Variants in FANCE observed in about 807,000 individuals in gnomAD.
FANCE encodes Fanconi anemia group E protein.
Under a neutral mutation model 57.8 loss-of-function variants are expected in FANCE, and 42 were observed. The observed-to-expected ratio is 0.73, with a 90% confidence interval of 0.57 to 0.94. FANCE has a LOEUF of 0.94. Among genes scored for constraint, FANCE ranks in the 40% least tolerant of loss-of-function variants. FANCE has a pLI of 0.00. For missense variants in FANCE, 608 were observed against 661.8 expected (o/e 0.92, Z 0.89); for synonymous variants, 251 against 286.4 (o/e 0.88, Z 1.25).
intron 1 of FANCE, 139 bp from the exon 2 acceptor site, chr6:35,455,608 G>C (rs1581699039): frequency 9.7e-7 from 1 of 1,034,110 alleles, no homozygotes; most frequent in Non-Finnish European, 1.5e-6. Context: ...ACCACACCTG[G>C]CCAACATCCA....
intron 9 of FANCE, 145 bp from the exon 10 acceptor site, chr6:35,466,099 T>G (rs1447237202): frequency 4.5e-6 from 3 of 665,874 alleles, no homozygotes; most frequent in Non-Finnish European, 8.2e-6. Flanking sequence ...TTAACCATGG[T>G]GAAATAATGA....
Position 35,456,465 on chromosome 6 carries a change from G to A in FANCE, c.855+112G>A, listed in dbSNP as rs924988218. 8.3e-6 allele frequency: 11 copies of A among 1,332,972 alleles called. No individual in the cohort carries two copies. The highest frequency in any genetic ancestry group is 1.1e-5 in the Non-Finnish European group (10 of 928,698). 82.6% of individuals were successfully genotyped at this position (1,332,972 alleles called of 1,614,324 possible). On this transcript the variant is annotated intron_variant, in intron 2 of 9. Coordinates refer to ENST00000229769, the MANE Select transcript of FANCE (RefSeq NM_021922.3). The surrounding 1 kb of genome is among the most constrained non-coding windows in gnomAD (Gnocchi z 4.3). ...CCAATGGAGTTGACTGTAGTTCCTG[G>A]AGGAAGAAGGAGGAAGGTAGGGTTG...
chr6:35,459,610 T>TA, intron 6 of FANCE, 72 bp from the exon 7 acceptor site: 1 of 1,580,742 alleles, frequency 6.3e-7, no homozygotes, highest in Non-Finnish European at 8.7e-7. Flanking sequence ...GGCATTCTGT[T>TA]ACCGCCTCCC....
At chr6:35,460,685 C>T in intron 8 of FANCE, 67 bp downstream of exon 8, 3 of 1,483,924 alleles carry the variant, frequency 2.0e-6, no homozygotes, top group Non-Finnish European at 2.8e-6. Flanking sequence ...ACACGGGGTT[C>T]CTGGGTTTCT....
intron 1 of FANCE, among the ~76,000 whole-genome samples, chr6:35,455,411 G>A (rs1389230521): frequency 6.6e-6 from 1 of 151,852 alleles, no homozygotes; most frequent in Non-Finnish European, 1.5e-5. Context: ...GGGTTCAAGC[G>A]ATTCTCCTGC....
intron 1 of FANCE, 109 bp from the exon 2 acceptor site, chr6:35,455,638 C>CG: frequency 7.6e-7 from 1 of 1,317,594 alleles, no homozygotes; most frequent in Non-Finnish European, 1.1e-6. Flanking sequence ...GCAGATACTG[C>CG]GTGCCAGCCC....
chr6:35,455,899 G>A lies in FANCE; in HGVS notation c.401G>A (p.Arg134His), dbSNP rs774939689. The change falls in exon 2 of 10, where the codon CGT becomes CAT. Residue 134 changes from arginine to histidine, a missense_variant. Transcript: ENST00000229769. ...DLAPDPDAWL[R>H]ALGELLRRDL... The stretch of plus-strand genomic sequence containing the variant: ...GCCCCTGACCCAGATGCCTGGCTCC[G>A]TGCCCTGGGGGAATTGCTGCGAAGG... 9 of 1,614,130 alleles carry A rather than the reference G, an allele frequency of 5.6e-6. No homozygotes were observed. Among genetic ancestry groups the A allele is most frequent in the East Asian group, 2.2e-5 (1 of 44,870 alleles).
chr6:35,460,851 G>A (rs1258649367), intron 8 of FANCE, among the ~76,000 whole-genome samples: 1 of 152,148 alleles, frequency 6.6e-6, no homozygotes, highest in East Asian at 1.9e-4. Context: ...GGCCTTGGGG[G>A]TGGGATTTTT....
chr6:35,462,128 G>T, intron 8 of FANCE, among the ~76,000 whole-genome samples: 1 of 139,286 alleles, frequency 7.2e-6, no homozygotes, highest in African/African-American at 3.1e-5. Context: ...TTTTTTTTGA[G>T]ACGGAGTCTC....
Position 35,462,869 on chromosome 6 carries a change from C to T in FANCE, c.1464C>T (p.Ala488=), listed in dbSNP as rs779775366. ...GGCTGGCAGCCACCACCTCCATGGC[C>T]TATGCCAAGCTCATGCTGACAGTGA... ...KKGLAATTSM[A]YAKLMLTVMT... The change falls in exon 9 of 10, where the codon GCC becomes GCT. Residue 488 remains alanine (A), a synonymous_variant. Coordinates refer to ENST00000229769, the MANE Select transcript of FANCE (RefSeq NM_021922.3). 1.2e-5 allele frequency: 19 copies of T among 1,614,124 alleles called. No individual in the cohort carries two copies. In the African/African-American group the frequency reaches 2.5e-4, roughly 22 times the overall value.
Position 35,455,968 on chromosome 6 carries a change from C to A in FANCE, c.470C>A (p.Ser157Tyr), listed in dbSNP as rs2150890612. Reference protein sequence around the residue: ...GTSMEGASPLSERCQRQLQSL... With the variant: ...GTSMEGASPLYERCQRQLQSL... ...TCCATGGAGGGAGCTTCTCCACTGT[C>A]TGAAAGATGCCAGAGACAGCTCCAA... The change falls in exon 2 of 10, where the codon TCT becomes TAT. Residue 157 changes from serine (S) to tyrosine (Y), a missense_variant. Coordinates refer to ENST00000229769, the MANE Select transcript of FANCE (RefSeq NM_021922.3). The A allele has an allele frequency of 2.5e-6, 4 of 1,613,692 alleles. No homozygotes were observed. Among genetic ancestry groups the A allele is most frequent in the Non-Finnish European group, 3.4e-6 (4 of 1,179,822 alleles).
rs757745455 is a variant in FANCE at position 35,462,845 on chromosome 6, G to T, written c.1440G>T (p.Gly480=). ...TAATGGAGAAGCTCTGTAAAAAGGG[G>T]CTGGCAGCCACCACCTCCATGGCCT... ...SVLMEKLCKK[G]LAATTSMAYA... is the part of the protein sequence containing the mutation. The change falls in exon 9 of 10, where the codon GGG becomes GGT. Residue 480 remains glycine (G), a synonymous_variant. Transcript: ENST00000229769. The T allele has an allele frequency of 6.2e-7, 1 of 1,614,208 alleles. No individual in the cohort carries two copies. Among genetic ancestry groups the T allele is most frequent in the African/African-American group, 1.3e-5 (1 of 75,052 alleles).
rs760319156 is a variant in FANCE, at chr6:35,455,729, T to C, written c.249-18T>C. On this transcript the variant is annotated intron_variant, in intron 1 of 9. Transcript: ENST00000229769. ...TTCAGCCAAACACTTAACTGCTTGC[T>C]CTCCCTCTGCTACCCAGGAAACCAC... 3 of 1,613,208 alleles carry C rather than the reference T, an allele frequency of 1.9e-6. No homozygotes were observed. The East Asian group carries it at 6.7e-5, about 36-fold the overall frequency.
Position 35,456,352 on chromosome 6 carries a change from A to G in FANCE, c.854A>G (p.Gln285Arg). The change falls in exon 2 of 10, where the codon CAG becomes CGG. Residue 285 changes from glutamine (Q) to arginine (R), a missense_variant and splice_region_variant. Gln to Arg is a conservative substitution (Grantham distance 43, BLOSUM62 1). Coordinates refer to ENST00000229769, the MANE Select transcript of FANCE (RefSeq NM_021922.3). The surrounding 1 kb of genome is among the most constrained non-coding windows in gnomAD (Gnocchi z 4.3). ...AGTTTGGAGTTGCCCAAAGCTATCC[A>G]GGTACTTTGGTAGGGAGACTGGGTT... Reference protein sequence around the residue: ...AESLELPKAIQDQLPRLQQLL... With the variant: ...AESLELPKAIRDQLPRLQQLL... The G allele has an allele frequency of 6.2e-7, 1 of 1,614,172 alleles. No individual in the cohort carries two copies. Among genetic ancestry groups the G allele is most frequent in the South Asian group, 1.1e-5 (1 of 91,080 alleles).
rs766775623 is a variant in FANCE, at chr6:35,456,372, T to A, written c.855+19T>A. On this transcript the variant is annotated intron_variant, in intron 2 of 9. Transcript: ENST00000229769. This position sits in a 1 kb window ranked among gnomAD's most constrained non-coding sequence, Gnocchi z 4.3. Reference sequence around the variant, plus strand: ...TATCCAGGTACTTTGGTAGGGAGACTGGGTTTAGAGTGATCTTTCAGCAGT... The same window carrying A: ...TATCCAGGTACTTTGGTAGGGAGACAGGGTTTAGAGTGATCTTTCAGCAGT... 1 of 1,614,140 alleles carries A rather than the reference T, an allele frequency of 6.2e-7. No homozygotes were observed. Among genetic ancestry groups the A allele is most frequent in the Admixed American group, 1.7e-5 (1 of 60,020 alleles).
chr6:35,459,698 G>A lies in FANCE; in HGVS notation c.1254G>A (p.Glu418=), dbSNP rs1485530026. 2 of 1,614,182 alleles carry A rather than the reference G, an allele frequency of 1.2e-6. No individual in the cohort carries two copies. The highest frequency in any genetic ancestry group is 8.5e-7 in the Non-Finnish European group (1 of 1,180,042). Residue 418 remains glutamate (E), a synonymous_variant, in exon 7 of 10, where the codon GAG becomes GAA. Coordinates refer to ENST00000229769, the MANE Select transcript of FANCE (RefSeq NM_021922.3). ...QAPGTGPAQT[E]LLCCLVKMES... ...TCTACCCAGGTCCTGCTCAAACAGA[G>A]TTACTGTGTTGCCTTGTGAAGATGG...
chr6:35,457,469 G>C lies in FANCE; in HGVS notation c.856-87G>C, dbSNP rs1581701561. ...TGCCAGCTAGCTCCCACTGACCTGG[G>C]GCCTTTTCAGTAGGGGGAGCCAGAA... On this transcript the variant is annotated intron_variant, in intron 2 of 9. Coordinates refer to ENST00000229769, the MANE Select transcript of FANCE (RefSeq NM_021922.3). 4 of 1,448,836 alleles carry C rather than the reference G, an allele frequency of 2.8e-6. No homozygotes were observed. The East Asian group carries it at 9.1e-5, about 33-fold the overall frequency. The allele number at this position is 1,448,836 out of a possible 1,614,324, so 89.7% of individuals were successfully genotyped here.
At position 35,458,309 on chromosome 6, in the gene FANCE, T is replaced by C. The variant is rs773632229; in HGVS notation, c.982T>C (p.Cys328Arg). 6.2e-7 allele frequency: 1 copy of C among 1,614,012 alleles called. No homozygotes were observed. Among genetic ancestry groups the C allele is most frequent in the Non-Finnish European group, 8.5e-7 (1 of 1,180,022 alleles). Residue 328 changes from cysteine to arginine, a missense_variant, in exon 5 of 10, where the codon TGT becomes CGT. Cys to Arg is a radical substitution (Grantham distance 180). Coordinates refer to ENST00000229769, the MANE Select transcript of FANCE (RefSeq NM_021922.3). Reference protein sequence around the residue: ...ECSPSQMDLLCAQLQLPQLSD... With the variant: ...ECSPSQMDLLRAQLQLPQLSD... Reference sequence around the variant, plus strand: ...ACTCTGTAAGCAGATGGACTTGCTGTGTGCCCAGCTGCAGCTCCCTCAGCT... The same window carrying C: ...ACTCTGTAAGCAGATGGACTTGCTGCGTGCCCAGCTGCAGCTCCCTCAGCT...
Position 35,456,468 on chromosome 6 carries a change from G to A in FANCE, c.855+115G>A, listed in dbSNP as rs1767348004. 7 of 1,336,994 alleles carry A rather than the reference G, an allele frequency of 5.2e-6. No individual in the cohort carries two copies. Among genetic ancestry groups the A allele is most frequent in the South Asian group, 4.7e-5 (4 of 84,996 alleles). The allele number at this position is 1,336,994 out of a possible 1,614,324, so 82.8% of individuals were successfully genotyped here. Reference sequence around the variant, plus strand: ...ATGGAGTTGACTGTAGTTCCTGGAGGAAGAAGGAGGAAGGTAGGGTTGAGG... The same window carrying A: ...ATGGAGTTGACTGTAGTTCCTGGAGAAAGAAGGAGGAAGGTAGGGTTGAGG... On this transcript the variant is annotated intron_variant, in intron 2 of 9. Transcript: ENST00000229769. This position sits in a 1 kb window ranked among gnomAD's most constrained non-coding sequence, Gnocchi z 4.3.
Sources: gnomAD v4.1 joint callset for allele counts (sites outside exome capture counted in the v4.1 genomes callset) on GRCh38, gnomAD v4.1.1 for gene constraint, Gnocchi (gnomAD v3.1) non-coding constraint, MANE v1.5 for transcripts, NCBI Gene and HGNC (gene_info 2026-07-23, HGNC 2026-07-21) for gene names.